ANXA6: variants seen among roughly 807,000 people sequenced by gnomAD.
ANXA6 encodes annexin A6.
In ANXA6, 71 loss-of-function variants were observed where a neutral mutation model predicts 95.4. The observed-to-expected ratio is 0.74, with a 90% confidence interval of 0.61 to 0.91. The LOEUF is 0.91. Among genes scored for constraint, ANXA6 ranks in the 40% least tolerant of loss-of-function variants. ANXA6 has a pLI of 0.00. For missense variants in ANXA6, 830 were observed against 876.4 expected, an observed-to-expected ratio of 0.95 and a Z score of 0.67; for synonymous variants, 289 against 315.9, an observed-to-expected ratio of 0.91 and a Z score of 0.90.
chr5:151,113,476 T>C (rs1029348238), intron 20 of ANXA6, among the ~76,000 whole-genome samples: 2 of 152,236 alleles, frequency 1.3e-5, no homozygotes, highest in Non-Finnish European at 2.9e-5. Flanking sequence ...TAAAAACTTA[T>C]GCTAAATAAA....
At chr5:151,133,474 G>A (rs1413005145) in intron 8 of ANXA6, among the ~76,000 whole-genome samples, 1 of 152,174 alleles carries the variant, frequency 6.6e-6, no homozygotes, top group Non-Finnish European at 1.5e-5. Context: ...ATTGCTCCTA[G>A]GCGGCACACC....
chr5:151,124,209 C>T, intron 15 of ANXA6, 77 bp downstream of exon 15: 2 of 1,266,032 alleles, frequency 1.6e-6, no homozygotes, highest in Non-Finnish European at 2.3e-6. Context: ...CTCACTCCAT[C>T]CCCTGCCAGC....
chr5:151,144,764 G>A (rs142873416), intron 2 of ANXA6, among the ~76,000 whole-genome samples: 1,545 of 152,058 alleles, frequency 0.01, 29 homozygotes, highest in African/African-American at 0.035. Flanking sequence ...CAGCAAGCTC[G>A]GGCTCCTGCA....
intron 20 of ANXA6, 47 bp from the exon 21 acceptor site, chr5:151,110,691 T>G: frequency 1.2e-6 from 2 of 1,607,326 alleles, no homozygotes; most frequent in Non-Finnish European, 1.7e-6. Flanking sequence ...GAGGCAAGAG[T>G]CAGAGGAGGT....
At chr5:151,129,663 T>C in intron 11 of ANXA6, 134 bp from the exon 12 acceptor site, 1 of 1,020,062 alleles carries the variant, frequency 9.8e-7, no homozygotes. Flanking sequence ...ACATTGCCAT[T>C]CCCATTGAAG....
chr5:151,109,752 C>T lies in ANXA6; in HGVS notation c.1684+1G>A. The stretch of plus-strand genomic sequence containing the variant: ...TGGGAAGGGAGGAGGTCAGGCCTCA[C>T]CTCTCCGGAGGTGCGGATAGCTCCG... On this transcript the variant is annotated splice_donor_variant, in intron 22 of 25. Transcript: ENST00000354546. LOFTEE classifies it high-confidence loss of function. The T allele has an allele frequency of 6.2e-7, 1 of 1,606,658 alleles. No individual in the cohort carries two copies. The highest frequency in any genetic ancestry group is 8.5e-7 in the Non-Finnish European group (1 of 1,176,192).
At chr5:151,116,961 C>T (rs1345715855) in intron 20 of ANXA6, among the ~76,000 whole-genome samples, 166 bp downstream of exon 20, 3 of 152,218 alleles carry the variant, frequency 2.0e-5, no homozygotes, top group Non-Finnish European at 2.9e-5. Flanking sequence ...ACCAGCACCA[C>T]ACTTCTAAAC....
chr5:151,137,436 C>T (rs1733677136), intron 5 of ANXA6, 115 bp from the exon 6 acceptor site: 1 of 705,858 alleles, frequency 1.4e-6, no homozygotes, highest in Non-Finnish European at 2.3e-6. Context: ...GAGGTTCCTA[C>T]CCAGCTCTTA....
At chr5:151,154,551 T>G (rs1490263867) in intron 1 of ANXA6, among the ~76,000 whole-genome samples, 1 of 152,152 alleles carries the variant, frequency 6.6e-6, no homozygotes, top group Non-Finnish European at 1.5e-5. Context: ...TCTTTGCCCT[T>G]TCTTGCTGGC....
chr5:151,118,614 A>G (rs776067390), intron 18 of ANXA6, among the ~76,000 whole-genome samples: 1 of 152,084 alleles, frequency 6.6e-6, no homozygotes, highest in East Asian at 1.9e-4. Context: ...TTGCATTTTT[A>G]GTAGAGACGG....
At position 151,103,334 on chromosome 5, in the gene ANXA6, A is replaced by G. The variant is rs140702839; in HGVS notation, c.1962+236T>C. ...TTATACTTCCATAACATTGCTTTAA[A>G]AAAAGCAAAAAATGGGCTCTTGTTT... On this transcript the variant is annotated intron_variant, in intron 25 of 25. Coordinates refer to ENST00000354546, the MANE Select transcript of ANXA6 (RefSeq NM_001155.5). 3.4e-3 allele frequency among the ~76,000 whole-genome samples: 525 copies of G among 152,314 alleles called. 4 individuals are homozygous for G. The highest frequency in any genetic ancestry group is 0.012 in the African/African-American group (498 of 41,574).
At chr5:151,104,056 C>T (rs1277352598) in intron 24 of ANXA6, among the ~76,000 whole-genome samples, 1 of 152,212 alleles carries the variant, frequency 6.6e-6, no homozygotes, top group Non-Finnish European at 1.5e-5. Flanking sequence ...AGGGCACAGA[C>T]ATACACACAG....
chr5:151,152,723 A>C (rs1766138518), intron 1 of ANXA6, among the ~76,000 whole-genome samples: 1 of 152,146 alleles, frequency 6.6e-6, no homozygotes, highest in African/African-American at 2.4e-5. Context: ...TTTGTTATAC[A>C]TGTATAAAGT....
intron 9 of ANXA6, 114 bp from the exon 10 acceptor site, chr5:151,132,685 C>T: frequency 1.2e-6 from 1 of 846,674 alleles, no homozygotes. Context: ...CACCATGAAG[C>T]TAGGGCTGGT....
chr5:151,156,847 T>C (rs1159301851), intron 1 of ANXA6, among the ~76,000 whole-genome samples: 1 of 152,250 alleles, frequency 6.6e-6, no homozygotes, highest in East Asian at 1.9e-4. Flanking sequence ...ATTGTTTCCT[T>C]TGAAAGAGAC....
At position 151,126,566 on chromosome 5, in the gene ANXA6, A is replaced by ACACG. The variant is rs1327414898; in HGVS notation, c.978-87_978-86insCGTG. ...CCAACACACACACACACACACACAC[A>ACACG]CACACCCCAACACATACACACACGT... On this transcript the variant is annotated intron_variant, in intron 13 of 25. Coordinates refer to ENST00000354546, the MANE Select transcript of ANXA6 (RefSeq NM_001155.5). 8.4e-6 allele frequency: 8 copies of ACACG among 947,190 alleles called. No individual in the cohort carries two copies. In the African/African-American group the frequency reaches 1.3e-4, roughly 15 times the overall value. 58.7% of individuals were successfully genotyped at this position (947,190 alleles called of 1,614,324 possible).
At chr5:151,150,591 C>T (rs927919254) in intron 1 of ANXA6, among the ~76,000 whole-genome samples, 5 of 152,158 alleles carry the variant, frequency 3.3e-5, no homozygotes, top group Non-Finnish European at 7.3e-5. Context: ...AGGCAGAGGA[C>T]GGATCTGCCT....
chr5:151,138,581 G>T, intron 5 of ANXA6, 97 bp downstream of exon 5: 1 of 774,224 alleles, frequency 1.3e-6, no homozygotes, highest in Non-Finnish European at 2.2e-6. Flanking sequence ...ACATGTGCTG[G>T]GTGGGTATGG....
chr5:151,116,742 A>C (rs1765010288), intron 20 of ANXA6, among the ~76,000 whole-genome samples: 1 of 152,134 alleles, frequency 6.6e-6, no homozygotes, highest in Non-Finnish European at 1.5e-5. Flanking sequence ...GGCCTTTAGC[A>C]CTCAGGCCCT....
Sources: allele counts gnomAD v4.1 joint callset (sites outside exome capture counted in the v4.1 genomes callset), GRCh38; gene constraint gnomAD v4.1.1; transcripts MANE v1.5; gene names NCBI Gene and HGNC (gene_info 2026-07-23, HGNC 2026-07-21).